CLYBL: variants seen among roughly 807,000 people sequenced by gnomAD.
The protein encoded by CLYBL is citramalyl-CoA lyase.
A neutral mutation model predicts 38.9 loss-of-function variants in CLYBL; 31 were observed. That is an observed-to-expected ratio of 0.80 (90% CI 0.60 to 1.08). The LOEUF (loss-of-function observed/expected upper bound fraction) is 1.08, where lower values mean the gene tolerates loss of function less well. Among genes scored for constraint, CLYBL ranks in the 50% least tolerant of loss-of-function variants. CLYBL has a pLI of 0.00. For synonymous variants in CLYBL, 171 were observed against 158.6 expected (o/e 1.08, Z -0.59); for missense variants, 434 against 411.6 (o/e 1.05, Z -0.47).
intron 1 of CLYBL, among the ~76,000 whole-genome samples, chr13:99,675,510 T>C (rs1380121818): frequency 6.6e-6 from 1 of 152,182 alleles, no homozygotes. Flanking sequence ...CTGTTCCCAT[T>C]AGCAGTCACT....
chr13:99,825,018 A>T (rs1196720843), intron 2 of CLYBL, among the ~76,000 whole-genome samples: 1 of 152,160 alleles, frequency 6.6e-6, no homozygotes, highest in Non-Finnish European at 1.5e-5. Flanking sequence ...AGAAAGACAC[A>T]TGGAGAAGAA....
rs2050504286 is a variant in CLYBL at position 99,818,446 on chromosome 13, A to ACACACACACACACAC, written c.250-40415_250-40414insCACACACACACACAC. On this transcript the variant is annotated intron_variant, in intron 2 of 8. Coordinates refer to ENST00000339105, the MANE Select transcript of CLYBL (RefSeq NM_206808.5). ...CCCCTGAAGATCACATGGAGCAGAA[A>ACACACACACACACAC]ACACACACACACACACACACACACA... 6.3e-5 allele frequency among the ~76,000 whole-genome samples: 9 copies of ACACACACACACACAC among 143,324 alleles called. No individual in the cohort carries two copies. The East Asian group carries it at 1.6e-3, about 26-fold the overall frequency. 94.0% of individuals were successfully genotyped at this position (143,324 alleles called of 152,430 possible).
intron 2 of CLYBL, among the ~76,000 whole-genome samples, chr13:99,815,910 A>T (rs1349150434): frequency 6.6e-6 from 1 of 152,216 alleles, no homozygotes; most frequent in Non-Finnish European, 1.5e-5. Flanking sequence ...AAATTTAATT[A>T]AAAATTTTAA....
downstream of CLYBL, among the ~76,000 whole-genome samples, chr13:99,899,415 CTCTG>C (rs1480568096): frequency 2.6e-5 from 4 of 152,204 alleles, no homozygotes; most frequent in East Asian, 3.8e-4. Context: ...GCACCGTAGA[CTCTG>C]TCTGAGCATC....
chr13:99,791,282 C>T (rs906712910), intron 2 of CLYBL, among the ~76,000 whole-genome samples: 1 of 152,044 alleles, frequency 6.6e-6, no homozygotes, highest in Non-Finnish European at 1.5e-5. Flanking sequence ...ACACACCACC[C>T]ACCACAGGGC....
chr13:99,701,393 C>T (rs1254055576), intron 1 of CLYBL, among the ~76,000 whole-genome samples: 3 of 152,140 alleles, frequency 2.0e-5, no homozygotes, highest in African/African-American at 7.2e-5. Context: ...TCACTGCAAG[C>T]TCCGCCTCCC....
intron 2 of CLYBL, among the ~76,000 whole-genome samples, chr13:99,835,492 G>A (rs1163658625): frequency 2.6e-5 from 4 of 152,146 alleles, no homozygotes; most frequent in African/African-American, 9.7e-5. Flanking sequence ...GTTAAATGTT[G>A]CCTACACCAC....
At chr13:99,695,658 T>A (rs2047968341) in intron 1 of CLYBL, among the ~76,000 whole-genome samples, 1 of 152,156 alleles carries the variant, frequency 6.6e-6, no homozygotes, top group South Asian at 2.1e-4. Context: ...TAGCTGGGAT[T>A]GCAGGTACGC....
chr13:99,651,964 C>T (rs754700888), intron 1 of CLYBL, among the ~76,000 whole-genome samples: 8 of 152,242 alleles, frequency 5.3e-5, no homozygotes, highest in Non-Finnish European at 8.8e-5. Flanking sequence ...TTGTAAGCAA[C>T]AGACACCACA....
chr13:99,788,323 A>G (rs1363849792), intron 2 of CLYBL, among the ~76,000 whole-genome samples: 4 of 152,098 alleles, frequency 2.6e-5, no homozygotes, highest in African/African-American at 9.7e-5. Flanking sequence ...TCAGTATGAT[A>G]CTGGCTGTGG....
chr13:99,881,922 C>T (rs1263821700), intron 7 of CLYBL, among the ~76,000 whole-genome samples: 1 of 152,110 alleles, frequency 6.6e-6, no homozygotes, highest in Non-Finnish European at 1.5e-5. Context: ...TAAGAACTTT[C>T]AAATGGAAGC....
chr13:99,842,571 T>C (rs1801516649), intron 2 of CLYBL, among the ~76,000 whole-genome samples: 1 of 152,144 alleles, frequency 6.6e-6, no homozygotes, highest in African/African-American at 2.4e-5. Context: ...ATAAGCTACC[T>C]TCCCAGTCCT....
chr13:99,847,459 C>T (rs568407996), intron 2 of CLYBL, among the ~76,000 whole-genome samples: 1 of 152,150 alleles, frequency 6.6e-6, no homozygotes, highest in Non-Finnish European at 1.5e-5. Context: ...ATAAATATAG[C>T]GAGTTAAGAG....
At chr13:99,739,761 G>T (rs2048721898) in intron 1 of CLYBL, among the ~76,000 whole-genome samples, 2 of 152,168 alleles carry the variant, frequency 1.3e-5, no homozygotes, top group African/African-American at 4.8e-5. Context: ...ATCACCTGAG[G>T]TCGGGAGTTC....
intron 2 of CLYBL, among the ~76,000 whole-genome samples, chr13:99,838,723 C>T (rs1259508510): frequency 6.6e-6 from 1 of 152,214 alleles, no homozygotes; most frequent in Non-Finnish European, 1.5e-5. Context: ...GCAAGCTCCG[C>T]CTCCCAGGTT....
At chr13:99,734,923 C>A (rs1365671390) in intron 1 of CLYBL, among the ~76,000 whole-genome samples, 1 of 151,934 alleles carries the variant, frequency 6.6e-6, no homozygotes, top group Non-Finnish European at 1.5e-5. Context: ...TAAAATCTAC[C>A]CAGTTTTATT....
rs936129717 is a variant in CLYBL, at chr13:99,616,548, G to A, written c.62+9791G>A. 2.6e-5 allele frequency among the ~76,000 whole-genome samples: 4 copies of A among 152,166 alleles called. No homozygotes were observed. The East Asian group carries it at 7.7e-4, about 29-fold the overall frequency. ...GCGACAGCCTTGGCTGTCACACTGG[G>A]CCCGCCCATGGGTGTTTCTGTAAGT... On this transcript the variant is annotated intron_variant, in intron 1 of 8. Transcript: ENST00000339105.
chr13:99,871,434 G>C (rs541957403), intron 7 of CLYBL, among the ~76,000 whole-genome samples: 51 of 152,264 alleles, frequency 3.3e-4, no homozygotes, highest in African/African-American at 1.1e-3. Context: ...TTGACTAAAT[G>C]GTTCTTGTGG....
At chr13:99,758,315 C>G (rs1290124486) in intron 1 of CLYBL, among the ~76,000 whole-genome samples, 1 of 152,090 alleles carries the variant, frequency 6.6e-6, no homozygotes, top group Non-Finnish European at 1.5e-5. Context: ...GGTGGGGGCC[C>G]CCCTCTGGGA....
Sources: allele counts gnomAD v4.1 joint callset (sites outside exome capture counted in the v4.1 genomes callset), GRCh38; gene constraint gnomAD v4.1.1; transcripts MANE v1.5; gene names NCBI Gene and HGNC (gene_info 2026-07-23, HGNC 2026-07-21).